The following TANGO6 variants were observed in gnomAD, a reference collection of about 807,000 sequenced individuals.
TANGO6 encodes the protein transport and Golgi organization protein 6 homolog.
In TANGO6, 90 loss-of-function variants were observed where a neutral mutation model predicts 114.2. The observed-to-expected ratio is 0.79, with a 90% confidence interval of 0.66 to 0.94. The LOEUF is 0.94. Ranked by LOEUF, TANGO6 falls within the 40% of genes least tolerant of loss-of-function variation. The pLI is 0.00. For synonymous variants in TANGO6, 477 were observed against 509.8 expected, an observed-to-expected ratio of 0.94 and a Z score of 0.87; for missense variants, 1,274 against 1,315.3, an observed-to-expected ratio of 0.97 and a Z score of 0.49.
chr16:69,026,894 G>A lies in TANGO6; in HGVS notation c.2994+3915G>A, dbSNP rs551539389. On this transcript the variant is annotated intron_variant, in intron 16 of 17. Coordinates refer to ENST00000261778, the MANE Select transcript of TANGO6 (RefSeq NM_024562.2). ...TTTTTATTTTTTGAGATGGAGTCTC[G>A]CTTTGTTCCCTATGCTGTAGTGCAG... Among the ~76,000 whole-genome samples the A allele has an allele frequency of 3.9e-5, 6 of 152,196 alleles. No individual in the cohort carries two copies. The South Asian group carries it at 1.2e-3, about 32-fold the overall frequency.
In TANGO6 at chr16:68,987,018, G is replaced by A. The variant is rs555139548; in HGVS notation, c.2842+12850G>A. Among the ~76,000 whole-genome samples the A allele has an allele frequency of 1.3e-3, 197 of 152,262 alleles. 2 individuals carry two copies. Among genetic ancestry groups the A allele is most frequent in the Non-Finnish European group, 1.3e-3 (91 of 68,008 alleles). ...TAATTGGATTTATCTAGCAGGCTAC[G>A]GTGAGTTCCAATTGGCTTCACCTGG... On this transcript the variant is annotated intron_variant, in intron 15 of 17. Transcript: ENST00000261778.
At chr16:69,033,420 T>C (rs1157726576) in intron 16 of TANGO6, among the ~76,000 whole-genome samples, 1 of 152,072 alleles carries the variant, frequency 6.6e-6, no homozygotes, top group Non-Finnish European at 1.5e-5. Flanking sequence ...TCTCTTCCCT[T>C]AAGGAAGTCT....
At chr16:68,982,974 T>C (rs1277441177) in intron 15 of TANGO6, among the ~76,000 whole-genome samples, 2 of 152,050 alleles carry the variant, frequency 1.3e-5, no homozygotes, top group Non-Finnish European at 2.9e-5. Flanking sequence ...ACTTGGTTGC[T>C]CCTGAATCAC....
chr16:69,007,946 C>T (rs1339944086), intron 15 of TANGO6, among the ~76,000 whole-genome samples: 9 of 152,212 alleles, frequency 5.9e-5, no homozygotes, highest in East Asian at 5.8e-4. Flanking sequence ...GTTCATATAT[C>T]TTCTTTGGAG....
At chr16:69,070,260 T>C (rs928904621) in intron 17 of TANGO6, among the ~76,000 whole-genome samples, 3 of 151,936 alleles carry the variant, frequency 2.0e-5, no homozygotes, top group Non-Finnish European at 4.4e-5. Context: ...AGCTACTCCA[T>C]AGACAGAGTA....
intron 7 of TANGO6, among the ~76,000 whole-genome samples, chr16:68,890,643 G>A (rs558669260): frequency 1.3e-5 from 2 of 152,346 alleles, no homozygotes; most frequent in East Asian, 1.9e-4. Context: ...AGCACACTTT[G>A]GGAGGCCAAG....
At chr16:69,060,438 T>TA (rs1225750807) in intron 17 of TANGO6, among the ~76,000 whole-genome samples, 4 of 151,926 alleles carry the variant, frequency 2.6e-5, no homozygotes, top group African/African-American at 7.3e-5. Flanking sequence ...TCTACTAAAA[T>TA]AAAAAATGTA....
intron 3 of TANGO6, among the ~76,000 whole-genome samples, chr16:68,863,336 G>A (rs1037266885): frequency 4.6e-5 from 7 of 151,988 alleles, no homozygotes; most frequent in Admixed American, 1.3e-4. Flanking sequence ...GGCTGGGCAC[G>A]GTGGCTCACG....
At chr16:68,866,935 C>T in intron 3 of TANGO6, 144 bp from the exon 4 acceptor site, 1 of 848,616 alleles carries the variant, frequency 1.2e-6, no homozygotes. Context: ...AACTCCATCT[C>T]TAAATAAATA....
intron 16 of TANGO6, among the ~76,000 whole-genome samples, chr16:69,032,568 G>A (rs1196171130): frequency 6.6e-6 from 1 of 151,952 alleles, no homozygotes; most frequent in Non-Finnish European, 1.5e-5. Context: ...ATGTCCAGCC[G>A]ATCTAACTTC....
At chr16:68,948,876 G>A (rs1054004014) in intron 14 of TANGO6, among the ~76,000 whole-genome samples, 2 of 152,174 alleles carry the variant, frequency 1.3e-5, no homozygotes, top group African/African-American at 4.8e-5. Context: ...GGAGCATTAG[G>A]AAAGAGGCTT....
At chr16:69,027,698 G>T (rs1959526111) in intron 16 of TANGO6, among the ~76,000 whole-genome samples, 1 of 150,944 alleles carries the variant, frequency 6.6e-6, no homozygotes. Context: ...CTATTTTCTT[G>T]GTCTCTTCAC....
chr16:69,050,442 A>G (rs1959930628), intron 17 of TANGO6, among the ~76,000 whole-genome samples: 1 of 151,416 alleles, frequency 6.6e-6, no homozygotes, highest in African/African-American at 2.4e-5. Flanking sequence ...CCTAGGCTCA[A>G]GCAATCCTTC....
intron 16 of TANGO6, among the ~76,000 whole-genome samples, chr16:69,031,520 G>A (rs1959592855): frequency 6.6e-6 from 1 of 151,926 alleles, no homozygotes; most frequent in Non-Finnish European, 1.5e-5. Context: ...GGGCAACATG[G>A]TTAAATCCCA....
intron 14 of TANGO6, among the ~76,000 whole-genome samples, chr16:68,947,633 C>A (rs923384722): frequency 8.9e-5 from 13 of 146,502 alleles, no homozygotes; most frequent in African/African-American, 3.3e-4. Context: ...CCTCTGTTGC[C>A]CAGGCTGGAG....
chr16:68,956,150 C>CA (rs1301821456), intron 14 of TANGO6, among the ~76,000 whole-genome samples: 1 of 151,242 alleles, frequency 6.6e-6, no homozygotes, highest in Non-Finnish European at 1.5e-5. Flanking sequence ...GACTCTGTCT[C>CA]AAAAAAACAA....
chr16:69,006,832 CAAT>C (rs1488171882), intron 15 of TANGO6, among the ~76,000 whole-genome samples: 3 of 152,176 alleles, frequency 2.0e-5, no homozygotes, highest in Non-Finnish European at 4.4e-5. Context: ...GTGTACACCT[CAAT>C]GTTGTTGTTG....
At chr16:68,949,129 T>G (rs1963445318) in intron 14 of TANGO6, among the ~76,000 whole-genome samples, 1 of 152,082 alleles carries the variant, frequency 6.6e-6, no homozygotes, top group Non-Finnish European at 1.5e-5. Flanking sequence ...CAGGTTGCGG[T>G]AAGCCGAGAT....
intron 17 of TANGO6, among the ~76,000 whole-genome samples, chr16:69,060,009 A>C (rs1456403540): frequency 6.6e-6 from 1 of 152,088 alleles, no homozygotes; most frequent in Non-Finnish European, 1.5e-5. Flanking sequence ...GCAGCCCCAG[A>C]ATAATCTGCC....
Sources: allele counts gnomAD v4.1 joint callset (sites outside exome capture counted in the v4.1 genomes callset), GRCh38; gene constraint gnomAD v4.1.1; transcripts MANE v1.5; gene names NCBI Gene and HGNC (gene_info 2026-07-23, HGNC 2026-07-21).